Variants in TCERG1L observed in about 807,000 individuals in gnomAD.
The protein encoded by TCERG1L is transcription elongation regulator 1-like protein.
Under a neutral mutation model 56.3 loss-of-function variants are expected in TCERG1L, and 37 were observed. The observed-to-expected ratio is 0.66, with a 90% CI of 0.51 to 0.87. The LOEUF (loss-of-function observed/expected upper bound fraction) is 0.87. Among genes scored for constraint, TCERG1L ranks in the 40% least tolerant of loss-of-function variants. The pLI is 0.00. For missense variants in TCERG1L, 799 were observed against 774.2 expected, an observed-to-expected ratio of 1.03 and a Z score of -0.38; for synonymous variants, 324 against 326.3, an observed-to-expected ratio of 0.99 and a Z score of 0.08.
chr10:131,263,459 A>G (rs910224153), intron 3 of TCERG1L, among the ~76,000 whole-genome samples: 1 of 152,192 alleles, frequency 6.6e-6, no homozygotes. Context: ...GAAACGTATC[A>G]CAATCACACC....
At chr10:131,253,415 A>G (rs1457564918) in intron 4 of TCERG1L, among the ~76,000 whole-genome samples, 1 of 152,170 alleles carries the variant, frequency 6.6e-6, no homozygotes, top group African/African-American at 2.4e-5. Context: ...TCGGTTGCCC[A>G]GAGTCCACAG....
intron 4 of TCERG1L, among the ~76,000 whole-genome samples, chr10:131,176,779 G>C (rs200989558): frequency 8.3e-4 from 84 of 101,198 alleles, no homozygotes; most frequent in African/African-American, 1.8e-3. Flanking sequence ...AAGACACATG[G>C]ACACACAGAG....
chr10:131,130,271 G>T (rs570289505), intron 8 of TCERG1L, among the ~76,000 whole-genome samples: 1 of 152,164 alleles, frequency 6.6e-6, no homozygotes, highest in African/African-American at 2.4e-5. Context: ...GAACAGGCAG[G>T]GAAAGACTGC....
At chr10:131,222,594 A>G (rs73396477) in intron 4 of TCERG1L, among the ~76,000 whole-genome samples, 6,487 of 152,206 alleles carry the variant, frequency 0.043, 469 homozygotes, top group African/African-American at 0.15. Context: ...AGCAAGGTGG[A>G]TTTTTCACCA....
intron 4 of TCERG1L, among the ~76,000 whole-genome samples, chr10:131,170,123 A>G (rs1311413032): frequency 6.6e-6 from 1 of 151,894 alleles, no homozygotes; most frequent in Non-Finnish European, 1.5e-5. Flanking sequence ...AATAACCGGC[A>G]CTCTTTCACA....
intron 3 of TCERG1L, among the ~76,000 whole-genome samples, chr10:131,305,929 C>G (rs1846814595): frequency 6.6e-6 from 1 of 151,728 alleles, no homozygotes; most frequent in African/African-American, 2.4e-5. Flanking sequence ...ATTTGTGATA[C>G]AAATTATTAT....
At chr10:131,285,624 C>T (rs7093292) in intron 3 of TCERG1L, among the ~76,000 whole-genome samples, 7,883 of 145,770 alleles carry the variant, frequency 0.054, 188 homozygotes, top group African/African-American at 0.079. Flanking sequence ...AGAACGTGGA[C>T]TAAAGACGCT....
At chr10:131,182,048 G>A (rs1589739787) in intron 4 of TCERG1L, among the ~76,000 whole-genome samples, 1 of 152,110 alleles carries the variant, frequency 6.6e-6, no homozygotes, top group Admixed American at 6.5e-5. Flanking sequence ...GTGCATGTGT[G>A]TGTGTACACA....
At chr10:131,151,522 G>A (rs967975264) in intron 6 of TCERG1L, among the ~76,000 whole-genome samples, 1 of 152,182 alleles carries the variant, frequency 6.6e-6, no homozygotes, top group Non-Finnish European at 1.5e-5. Context: ...TCAGCCTTGG[G>A]TAGGTCTTCC....
rs552683298 is a variant in TCERG1L, at chr10:131,126,827, T to C, written c.1259+7552A>G. ...TTGGCAGGTAGTTTTCTGGTAACAT[T>C]TGCAAAATTACCAAAGCTCTCAACC... On this transcript the variant is annotated intron_variant, in intron 8 of 11. Transcript: ENST00000368642. 4.6e-5 allele frequency among the ~76,000 whole-genome samples: 7 copies of C among 152,264 alleles called. No individual in the cohort carries two copies. The East Asian group carries it at 7.7e-4, about 17-fold the overall frequency.
At chr10:131,182,214 A>T (rs193265514) in intron 4 of TCERG1L, among the ~76,000 whole-genome samples, 28 of 152,284 alleles carry the variant, frequency 1.8e-4, no homozygotes, top group Admixed American at 2.6e-4. Context: ...GTGAGTGGGC[A>T]TGGGAAACAG....
At position 131,256,948 on chromosome 10, in the gene TCERG1L, A is replaced by AGAAGGAAG. The variant is rs71009955; in HGVS notation, c.856+3303_856+3310dup. On this transcript the variant is annotated intron_variant, in intron 4 of 11. Transcript: ENST00000368642. ...GGAAGGAAGGGAGGGAGGAAGAGAA[A>AGAAGGAAG]GAAGGAAGGAAGGAAGGAAGGAAGG... Among the ~76,000 whole-genome samples, 565 of 60,768 alleles carry AGAAGGAAG rather than the reference A, an allele frequency of 9.3e-3. 26 individuals are homozygous for AGAAGGAAG. The highest frequency in any genetic ancestry group is 0.011 in the Non-Finnish European group (338 of 30,040). The allele number at this position is 60,768 out of a possible 152,430, so 39.9% of individuals were successfully genotyped here. A position where few individuals can be genotyped will look rare whatever the true frequency, so the allele number is the denominator to read the frequency against.
At chr10:131,101,762 G>A (rs566207789) in intron 10 of TCERG1L, among the ~76,000 whole-genome samples, 19 of 152,014 alleles carry the variant, frequency 1.2e-4, no homozygotes, top group East Asian at 3.9e-4. Flanking sequence ...GTGCAGTGGC[G>A]TGATCTCGGC....
chr10:131,311,643 C>T lies in TCERG1L; in HGVS notation c.-8G>A. 8.9e-7 allele frequency: 1 copy of T among 1,120,378 alleles called. No individual in the cohort carries two copies. Among genetic ancestry groups the T allele is most frequent in the Non-Finnish European group, 1.1e-6 (1 of 916,972 alleles). 69.4% of individuals were successfully genotyped at this position (1,120,378 alleles called of 1,614,324 possible). ...CCTGGCGCCCGCCTGCATCCTACAT[C>T]CCCGCGCTGACGGCGGCGGCGGGGG... On this transcript the variant is annotated 5_prime_UTR_variant, in exon 1 of 12. Transcript: ENST00000368642. This position sits in a 1 kb window ranked among gnomAD's most constrained non-coding sequence, Gnocchi z 4.0.
intron 6 of TCERG1L, chr10:131,161,085 A>G (rs2996076): frequency 0.97 from 147,973 of 152,310 alleles, 71,992 homozygotes; most frequent in East Asian, 1. Flanking sequence ...ATATGCAGTC[A>G]TGTGCCGCAG....
At chr10:131,160,422 T>A (rs1845964921) in intron 6 of TCERG1L, among the ~76,000 whole-genome samples, 1 of 151,476 alleles carries the variant, frequency 6.6e-6, no homozygotes, top group Non-Finnish European at 1.5e-5. Context: ...CGCCACTCCC[T>A]CTGACCACCT....
intron 5 of TCERG1L, among the ~76,000 whole-genome samples, chr10:131,164,920 C>T (rs1171741421): frequency 6.6e-6 from 1 of 152,176 alleles, no homozygotes; most frequent in Non-Finnish European, 1.5e-5. Context: ...GGATGCTGTA[C>T]CAAAACCCAG....
At chr10:131,117,321 T>C (rs1387970748) in intron 8 of TCERG1L, among the ~76,000 whole-genome samples, 1 of 152,072 alleles carries the variant, frequency 6.6e-6, no homozygotes, top group Admixed American at 6.5e-5. Context: ...AGAGATGGGG[T>C]CATGGAGGGG....
At chr10:131,172,931 C>T (rs1474740671) in intron 4 of TCERG1L, among the ~76,000 whole-genome samples, 7 of 141,890 alleles carry the variant, frequency 4.9e-5, no homozygotes, top group South Asian at 2.2e-4. Context: ...CTCTTGTCAT[C>T]CAGGCTTGGA....
Sources: allele counts gnomAD v4.1 joint callset (sites outside exome capture counted in the v4.1 genomes callset), GRCh38; gene constraint gnomAD v4.1.1; non-coding constraint Gnocchi (gnomAD v3.1); transcripts MANE v1.5; gene names NCBI Gene and HGNC (gene_info 2026-07-23, HGNC 2026-07-21).